The following NTM variants were observed in gnomAD, a reference collection of about 807,000 sequenced individuals.
The protein encoded by NTM is neurotrimin.
A neutral mutation model predicts 42.1 loss-of-function variants in NTM; 13 were observed. That is an observed-to-expected ratio of 0.31 (90% CI 0.20 to 0.49). The LOEUF (loss-of-function observed/expected upper bound fraction) is 0.49. Among genes scored for constraint, NTM ranks in the 20% least tolerant of loss-of-function variants. The pLI is 0.99. For missense variants in NTM, 373 were observed against 452.8 expected (o/e 0.82, Z 1.60); for synonymous variants, 187 against 179.2 (o/e 1.04, Z -0.35).
intron 2 of NTM, among the ~76,000 whole-genome samples, chr11:132,129,515 G>T (rs2066452539): frequency 2.0e-5 from 3 of 152,188 alleles, no homozygotes; most frequent in Admixed American, 2.0e-4. Context: ...TTGAAGACAG[G>T]AGAAATGTAT....
intron 1 of NTM, among the ~76,000 whole-genome samples, chr11:131,459,152 C>T (rs895869961): frequency 1.3e-5 from 2 of 152,226 alleles, no homozygotes; most frequent in Non-Finnish European, 2.9e-5. Flanking sequence ...GACATCTACG[C>T]CACTCTCAGA....
intron 1 of NTM, among the ~76,000 whole-genome samples, chr11:131,819,521 A>G (rs538704128): frequency 6.6e-6 from 1 of 152,222 alleles, no homozygotes. Context: ...AGAGAGACAT[A>G]CATAAAAAAT....
chr11:131,401,834 A>ATATATGTGTG (rs1555101809), intron 1 of NTM, among the ~76,000 whole-genome samples: 3 of 86,274 alleles, frequency 3.5e-5, no homozygotes, highest in African/African-American at 1.3e-4. Flanking sequence ...ATATATATAT[A>ATATATGTGTG]TATATATATA....
chr11:131,391,329 G>A (rs1408238005), intron 1 of NTM, among the ~76,000 whole-genome samples: 1 of 152,018 alleles, frequency 6.6e-6, no homozygotes, highest in African/African-American at 2.4e-5. Context: ...GCAACTACCA[G>A]CCTGGCAGGG....
chr11:131,739,603 G>A (rs10894432), intron 1 of NTM, among the ~76,000 whole-genome samples: 23,011 of 152,146 alleles, frequency 0.15, 2,102 homozygotes, highest in East Asian at 0.3. Context: ...CTAAAAGTCA[G>A]GGAAGCTCAG....
At chr11:132,131,757 A>G (rs370772640) in intron 2 of NTM, among the ~76,000 whole-genome samples, 2 of 152,296 alleles carry the variant, frequency 1.3e-5, no homozygotes, top group East Asian at 3.9e-4. Flanking sequence ...GATTTGTTAG[A>G]AAGGTCCCTG....
At chr11:132,259,519 A>G (rs2092712409) in intron 4 of NTM, among the ~76,000 whole-genome samples, 1 of 151,836 alleles carries the variant, frequency 6.6e-6, no homozygotes, top group Admixed American at 6.5e-5. Flanking sequence ...ATCTCTACTA[A>G]AAATACAAAA....
At chr11:131,489,876 G>A (rs1233564526) in intron 1 of NTM, among the ~76,000 whole-genome samples, 4 of 152,178 alleles carry the variant, frequency 2.6e-5, no homozygotes, top group East Asian at 1.9e-4. Context: ...TGCTATAAAG[G>A]AATATCTGAG....
At position 131,440,816 on chromosome 11, in the gene NTM, T is replaced by TAAAAAAAAAAAA. The variant is rs55915027; in HGVS notation, c.82+69965_82+69976dup. ...GTGCCACCCCTCACCACAGCCTCCA[T>TAAAAAAAAAAAA]AAAAAAAAAAAAAAAAAAAAAAAAA... is the stretch of plus-strand genomic sequence containing the variant. On this transcript the variant is annotated intron_variant, in intron 1 of 8. Coordinates refer to ENST00000683400, the MANE Select transcript of NTM (RefSeq NM_001352005.2). Among the ~76,000 whole-genome samples the TAAAAAAAAAAAA allele has an allele frequency of 1.4e-4, 6 of 42,922 alleles. 2 individuals are homozygous for TAAAAAAAAAAAA. The highest frequency in any genetic ancestry group is 2.8e-3 in the East Asian group (2 of 712). The allele number at this position is 42,922 out of a possible 152,430, so 28.2% of individuals were successfully genotyped here.
chr11:132,184,467 A>G (rs1301845583), intron 3 of NTM, among the ~76,000 whole-genome samples: 6 of 152,148 alleles, frequency 3.9e-5, no homozygotes, highest in Non-Finnish European at 7.3e-5. Context: ...TACTGTATAA[A>G]TGGATCAGAT....
chr11:131,927,563 A>G (rs1254458491), intron 2 of NTM, among the ~76,000 whole-genome samples: 2 of 152,226 alleles, frequency 1.3e-5, no homozygotes, highest in Non-Finnish European at 2.9e-5. Flanking sequence ...TGGAAGCCAC[A>G]TGCACTTGAC....
chr11:132,140,770 C>T (rs192693977), intron 2 of NTM, among the ~76,000 whole-genome samples: 94 of 152,268 alleles, frequency 6.2e-4, no homozygotes, highest in Admixed American at 1.4e-3. Context: ...CCCATGGCAG[C>T]GTGTGTGGGT....
chr11:132,287,748 C>T (rs1199924073), intron 4 of NTM, among the ~76,000 whole-genome samples: 1 of 152,160 alleles, frequency 6.6e-6, no homozygotes, highest in African/African-American at 2.4e-5. Flanking sequence ...AATGTGCTAA[C>T]ATGCATGTGT....
rs567487838 is a variant in NTM, at chr11:132,293,048, C to T, written c.527-14641C>T. ...AGGTAAGATCAAGAATATGAGGGGC[C>T]GGTTTTTGACGGATTGTACTTCTGG... On this transcript the variant is annotated intron_variant, in intron 4 of 8. Transcript: ENST00000683400. Among the ~76,000 whole-genome samples the T allele has an allele frequency of 7.2e-5, 11 of 151,914 alleles. No individual in the cohort carries two copies. In the South Asian group the frequency reaches 1.9e-3, roughly 26 times the overall value.
At chr11:131,442,150 C>T (rs1230199751) in intron 1 of NTM, among the ~76,000 whole-genome samples, 1 of 152,154 alleles carries the variant, frequency 6.6e-6, no homozygotes, top group East Asian at 1.9e-4. Flanking sequence ...ACTGAGCATC[C>T]AGGTGCAGAA....
In NTM at chr11:132,146,621, C is replaced by T. The variant is rs558247972; in HGVS notation, c.400+107C>T. 2.7e-5 allele frequency: 32 copies of T among 1,205,082 alleles called. 2 individuals carry two copies. The highest frequency in any genetic ancestry group is 2.6e-4 in the South Asian group (17 of 65,226). The allele number at this position is 1,205,082 out of a possible 1,614,324, so 74.6% of individuals were successfully genotyped here. On this transcript the variant is annotated intron_variant, in intron 3 of 8. Coordinates refer to ENST00000683400, the MANE Select transcript of NTM (RefSeq NM_001352005.2). This position sits in a 1 kb window ranked among gnomAD's most constrained non-coding sequence, Gnocchi z 4.5. ...ACAGAGATGAGTTATCCTTATTCTA[C>T]GCATCTGGGGTCCAGGGCACATTTC...
chr11:131,525,661 C>T lies in NTM; in HGVS notation c.82+154773C>T, dbSNP rs149650026. On this transcript the variant is annotated intron_variant, in intron 1 of 8. Coordinates refer to ENST00000683400, the MANE Select transcript of NTM (RefSeq NM_001352005.2). ...ATCCGACTACACTGCTTTGCTTTCC[C>T]GTGATTATTCAGCATCACTGGGGCA... is the stretch of plus-strand genomic sequence containing the variant. Among the ~76,000 whole-genome samples, 348 of 152,278 alleles carry T rather than the reference C, an allele frequency of 2.3e-3. 5 individuals are homozygous for T. The highest frequency in any genetic ancestry group is 3.4e-3 in the Non-Finnish European group (229 of 68,022).
At chr11:131,911,384 TC>T (rs1287477385) in intron 1 of NTM, 179 bp from the exon 2 acceptor site, 2 of 1,578,658 alleles carry the variant, frequency 1.3e-6, no homozygotes, top group Non-Finnish European at 1.7e-6. Context: ...CACCGCTCAG[TC>T]CCCGCGCTCG....
intron 1 of NTM, among the ~76,000 whole-genome samples, chr11:131,783,542 A>G (rs2088568917): frequency 6.6e-6 from 1 of 152,148 alleles, no homozygotes; most frequent in Non-Finnish European, 1.5e-5. Context: ...AGTGGGGAAA[A>G]AGATTCTCTT....
Sources: gnomAD v4.1 joint callset for allele counts (sites outside exome capture counted in the v4.1 genomes callset) on GRCh38, gnomAD v4.1.1 for gene constraint, Gnocchi (gnomAD v3.1) non-coding constraint, MANE v1.5 for transcripts, NCBI Gene and HGNC (gene_info 2026-07-23, HGNC 2026-07-21) for gene names.